The following ADCY2 variants were observed in gnomAD, a reference collection of about 807,000 sequenced individuals.
ADCY2 encodes adenylate cyclase type 2.
In ADCY2, 31 loss-of-function variants were observed where a neutral mutation model predicts 125.2. The ratio of observed to expected loss-of-function variants is 0.25; its 90% CI spans 0.19 to 0.33. ADCY2 has a LOEUF of 0.33. ADCY2 is among the 10% of genes least tolerant of loss of function. ADCY2 has a pLI of 1.00. For synonymous variants in ADCY2, 512 were observed against 548.4 expected (o/e 0.93, Z 0.93); for missense variants, 904 against 1,418.2 (o/e 0.64, Z 5.82).
chr5:7,455,412 T>C (rs1341173656), intron 2 of ADCY2, among the ~76,000 whole-genome samples: 3 of 152,154 alleles, frequency 2.0e-5, no homozygotes, highest in African/African-American at 7.2e-5. Context: ...CTATGGACAT[T>C]TGAGGGAAAA....
intron 20 of ADCY2, chr5:7,800,989 T>A (rs1744574334): frequency 6.6e-6 from 1 of 152,224 alleles, no homozygotes; most frequent in African/African-American, 2.4e-5. Context: ...GTTGTTCATG[T>A]ACTTTGTACA....
At chr5:7,673,613 C>A (rs1012556568) in intron 4 of ADCY2, among the ~76,000 whole-genome samples, 1 of 152,142 alleles carries the variant, frequency 6.6e-6, no homozygotes, top group Non-Finnish European at 1.5e-5. Context: ...GCCCTCTGCC[C>A]ACTGGGTCCA....
intron 4 of ADCY2, among the ~76,000 whole-genome samples, chr5:7,664,982 GC>G (rs1211479435): frequency 2.0e-5 from 3 of 151,346 alleles, no homozygotes; most frequent in African/African-American, 4.9e-5. Flanking sequence ...TGGGAGCCCC[GC>G]CCCCTCCTCC....
chr5:7,413,297 T>C (rs921135923), intron 1 of ADCY2, among the ~76,000 whole-genome samples: 2 of 151,982 alleles, frequency 1.3e-5, no homozygotes, highest in African/African-American at 4.8e-5. Flanking sequence ...GGTTTTTTTT[T>C]TCTTTTTTCT....
At chr5:7,497,456 A>T (rs1743379733) in intron 2 of ADCY2, among the ~76,000 whole-genome samples, 1 of 152,206 alleles carries the variant, frequency 6.6e-6, no homozygotes, top group African/African-American at 2.4e-5. Context: ...TAAAAACAGG[A>T]AATTACAGTT....
intron 3 of ADCY2, among the ~76,000 whole-genome samples, chr5:7,614,156 C>T (rs1035928459): frequency 1.3e-5 from 2 of 152,162 alleles, no homozygotes; most frequent in African/African-American, 2.4e-5. Context: ...TCATGAGTGT[C>T]AACAGAGACC....
chr5:7,795,061 C>G (rs1020102859), intron 20 of ADCY2: 2 of 152,114 alleles, frequency 1.3e-5, no homozygotes, highest in African/African-American at 4.8e-5. Context: ...AAGTGAAGCA[C>G]CTGCTAAACA....
intron 16 of ADCY2, among the ~76,000 whole-genome samples, chr5:7,759,005 G>A (rs1743105380): frequency 6.6e-6 from 1 of 152,196 alleles, no homozygotes. Context: ...TGAGGGTGAT[G>A]CCACCTGGAC....
chr5:7,813,026 T>C (rs918455681), intron 22 of ADCY2, among the ~76,000 whole-genome samples: 8 of 152,360 alleles, frequency 5.3e-5, no homozygotes, highest in African/African-American at 1.9e-4. Context: ...TTGAAGAAAC[T>C]GGAGCTGAAC....
chr5:7,455,529 A>G (rs1741635740), intron 2 of ADCY2, among the ~76,000 whole-genome samples: 1 of 151,270 alleles, frequency 6.6e-6, no homozygotes, highest in African/African-American at 2.4e-5. Flanking sequence ...GTTTTAAAAT[A>G]TCACTTATTA....
chr5:7,589,478 G>GAAAGAAAGAAAGAAAGAAAGAAAGA (rs1561112402), intron 3 of ADCY2, among the ~76,000 whole-genome samples: 2 of 50,738 alleles, frequency 3.9e-5, no homozygotes, highest in Non-Finnish European at 9.5e-5. Flanking sequence ...AAGAAAGAAA[G>GAAAGAAAGAAAGAAAGAAAGAAAGA]AAAGAAAGAA....
Position 7,789,735 on chromosome 5 carries a change from C to T in ADCY2, c.2563C>T (p.Leu855=), listed in dbSNP as rs769026870. The T allele has an allele frequency of 4.4e-6, 7 of 1,604,898 alleles. No individual in the cohort carries two copies. The highest frequency in any genetic ancestry group is 6.0e-6 in the Non-Finnish European group (7 of 1,175,348). Residue 855 remains leucine, a synonymous_variant, in exon 20 of 25, where the codon CTG becomes TTG. Coordinates refer to ENST00000338316, the MANE Select transcript of ADCY2 (RefSeq NM_020546.3). ...GACCATGGAGAACCTGAACCGCGTGCTGCTGGAGAACGTGCTTCCCGCGCA... is the reference window on the plus strand; with the variant it reads ...GACCATGGAGAACCTGAACCGCGTGTTGCTGGAGAACGTGCTTCCCGCGCA... ...IETMENLNRV[L]LENVLPAHVA... is the part of the protein sequence containing the mutation.
chr5:7,741,605 T>TCATCAC (rs1491565516), intron 14 of ADCY2, among the ~76,000 whole-genome samples: 4 of 38,862 alleles, frequency 1.0e-4, no homozygotes, highest in African/African-American at 2.0e-4. Flanking sequence ...ACCATCACCA[T>TCATCAC]CATCACCATC....
intron 16 of ADCY2, among the ~76,000 whole-genome samples, chr5:7,758,309 C>T (rs1470523218): frequency 6.6e-6 from 1 of 152,158 alleles, no homozygotes; most frequent in African/African-American, 2.4e-5. Context: ...TTATCTCCCC[C>T]ACAATAGACA....
chr5:7,662,266 AGCAAATGT>A (rs762678011), intron 4 of ADCY2, among the ~76,000 whole-genome samples: 7 of 152,248 alleles, frequency 4.6e-5, no homozygotes, highest in Non-Finnish European at 8.8e-5. Flanking sequence ...TTCCCAAACA[AGCAAATGT>A]GCAAAATTTA....
At chr5:7,416,423 T>G (rs374618847) in intron 2 of ADCY2, among the ~76,000 whole-genome samples, 26 of 152,132 alleles carry the variant, frequency 1.7e-4, no homozygotes, top group East Asian at 1.2e-3. Context: ...CACTCCCCGC[T>G]CTCTCCTTCA....
At chr5:7,523,965 G>A (rs982679114) in intron 3 of ADCY2, among the ~76,000 whole-genome samples, 7 of 152,080 alleles carry the variant, frequency 4.6e-5, no homozygotes, top group Non-Finnish European at 1.0e-4. Flanking sequence ...TTGAACATTG[G>A]CAATCCACTT....
At chr5:7,422,361 A>G (rs557109655) in intron 2 of ADCY2, among the ~76,000 whole-genome samples, 2 of 152,166 alleles carry the variant, frequency 1.3e-5, no homozygotes, top group African/African-American at 4.8e-5. Flanking sequence ...TTTTCTGACA[A>G]GCACGGATCC....
chr5:7,396,236 C>A lies in ADCY2; in HGVS notation c.-61C>A, dbSNP rs1297035197. 10 of 931,498 alleles carry A rather than the reference C, an allele frequency of 1.1e-5. No homozygotes were observed. Among genetic ancestry groups the A allele is most frequent in the Non-Finnish European group, 1.3e-5 (10 of 783,564 alleles). 57.7% of individuals were successfully genotyped at this position (931,498 alleles called of 1,614,324 possible). Reference sequence around the variant, plus strand: ...CGGCGCGGGGGTGGGACGCGGGCGGCCGCGGCGAGCGGCGCTGCCCGGGCC... The same window carrying A: ...CGGCGCGGGGGTGGGACGCGGGCGGACGCGGCGAGCGGCGCTGCCCGGGCC... On this transcript the variant is annotated 5_prime_UTR_variant, in exon 1 of 25. Transcript: ENST00000338316. This position sits in a 1 kb window ranked among gnomAD's most constrained non-coding sequence, Gnocchi z 5.7.
Sources: gnomAD v4.1 joint callset for allele counts (sites outside exome capture counted in the v4.1 genomes callset) on GRCh38, gnomAD v4.1.1 for gene constraint, Gnocchi (gnomAD v3.1) non-coding constraint, MANE v1.5 for transcripts, NCBI Gene and HGNC (gene_info 2026-07-23, HGNC 2026-07-21) for gene names.